CD101: variants seen among roughly 807,000 people sequenced by gnomAD.
CD101 encodes CD101 molecule, also known as immunoglobulin superfamily member 2.
A neutral mutation model predicts 98.2 loss-of-function variants in CD101; 76 were observed. That is an observed-to-expected ratio of 0.77 (90% CI 0.64 to 0.94). The LOEUF is 0.94. Ranked by LOEUF, CD101 falls within the 40% of genes least tolerant of loss-of-function variation. The pLI is 0.00. For missense variants in CD101, 1,145 were observed against 1,218.8 expected, an observed-to-expected ratio of 0.94 and a Z score of 0.90; for synonymous variants, 471 against 472.7, an observed-to-expected ratio of 1.00 and a Z score of 0.05.
At position 117,009,913 on chromosome 1, in the gene CD101, G is replaced by A; in HGVS notation, c.107G>A (p.Gly36Asp). The A allele has an allele frequency of 6.2e-7, 1 of 1,613,978 alleles. No individual in the cohort carries two copies. Among genetic ancestry groups the A allele is most frequent in the South Asian group, 1.1e-5 (1 of 91,070 alleles). Reference protein sequence around the residue: ...VQKGPLFRAEGYPVSIGCNVT... With the variant: ...VQKGPLFRAEDYPVSIGCNVT... ...AAAGGACCACTGTTTAGAGCTGAAG[G>A]TTACCCAGTCAGCATTGGCTGCAAT... The change falls in exon 2 of 10, where the codon GGT becomes GAT. Residue 36 changes from glycine to aspartate, a missense_variant. Physicochemically the swap from Gly to Asp is moderately conservative, Grantham distance 94 (BLOSUM62 -1). Coordinates refer to ENST00000682167, the MANE Select transcript of CD101 (RefSeq NM_001256106.3).
Position 117,029,213 on chromosome 1 carries a change from A to AAAAGAAAG in CD101, c.2824+3363_2824+3370dup, listed in dbSNP as rs61165020. 2.8e-3 allele frequency among the ~76,000 whole-genome samples: 204 copies of AAAAGAAAG among 71,816 alleles called. 1 individual carries two copies. The highest frequency in any genetic ancestry group is 6.9e-3 in the Middle Eastern group (1 of 144). 47.1% of individuals were successfully genotyped at this position (71,816 alleles called of 152,430 possible). On this transcript the variant is annotated intron_variant, in intron 8 of 9. Coordinates refer to ENST00000682167, the MANE Select transcript of CD101 (RefSeq NM_001256106.3). ...AAAGAAAGAAAGAAAGAAAAGAAAG[A>AAAAGAAAG]AAAGAAAGAAAGAAAGAAAGAAAGA... is the stretch of plus-strand genomic sequence containing the variant.
In CD101 at chr1:117,033,729, G is replaced by T; in HGVS notation, c.2825-131G>T. Reference sequence around the variant, plus strand: ...GTCCTGTGCTCCTCATGATTTCAGGGGCCCACTGCTATTTGGCCCCATTAT... The same window carrying T: ...GTCCTGTGCTCCTCATGATTTCAGGTGCCCACTGCTATTTGGCCCCATTAT... On this transcript the variant is annotated intron_variant, in intron 8 of 9. Transcript: ENST00000682167. The surrounding 1 kb of genome is among the most constrained non-coding windows in gnomAD (Gnocchi z 4.8). The T allele has an allele frequency of 1.7e-6, 2 of 1,175,684 alleles. No homozygotes were observed. The allele number at this position is 1,175,684 out of a possible 1,614,324, so 72.8% of individuals were successfully genotyped here.
chr1:117,029,199 G>GA (rs1168388828), intron 8 of CD101, among the ~76,000 whole-genome samples: 1 of 40,662 alleles, frequency 2.5e-5, no homozygotes, highest in Non-Finnish European at 4.4e-5. Flanking sequence ...AAGAAAGAAA[G>GA]AAAGAAAAGA....
At position 117,019,973 on chromosome 1, in the gene CD101, G is replaced by T. The variant is rs1653478630; in HGVS notation, c.2017+1413G>T. 6.6e-6 allele frequency among the ~76,000 whole-genome samples: 1 copy of T among 151,924 alleles called. No individual in the cohort carries two copies. On this transcript the variant is annotated intron_variant, in intron 6 of 9. Transcript: ENST00000682167. This position sits in a 1 kb window ranked among gnomAD's most constrained non-coding sequence, Gnocchi z 4.3. ...ATCATCTCCTTCAACTTTCCATCGT[G>T]AATTTGAGCTTCAGCCACACTGAAT... is the stretch of plus-strand genomic sequence containing the variant.
In CD101 at chr1:117,012,872, G is replaced by C. The variant is rs1246275347; in HGVS notation, c.842-534G>C. Among the ~76,000 whole-genome samples the C allele has an allele frequency of 6.6e-6, 1 of 152,112 alleles. No homozygotes were observed. Among genetic ancestry groups the C allele is most frequent in the Non-Finnish European group, 1.5e-5 (1 of 68,028 alleles). The stretch of plus-strand genomic sequence containing the variant: ...AATGATCCAATAGTGGATCATTAAA[G>C]TTTTTTCTTTATTAAAAACAGTATT... On this transcript the variant is annotated intron_variant, in intron 3 of 9. Transcript: ENST00000682167. The surrounding 1 kb of genome is among the most constrained non-coding windows in gnomAD (Gnocchi z 4.0).
intron 7 of CD101, among the ~76,000 whole-genome samples, chr1:117,024,347 C>T (rs1016317693): frequency 5.3e-5 from 8 of 152,128 alleles, no homozygotes; most frequent in Non-Finnish European, 1.0e-4. Flanking sequence ...CATGGTGGCC[C>T]ATGCCTGTAA....
In CD101 at chr1:117,017,201, G is replaced by A; in HGVS notation, c.1340G>A (p.Trp447Ter). ...GCTGAAAGTCCCCTGTCTGTGAGCT[G>A]GTGGCACATCCCACGGGACCAGACA... ...GGAESPLSVS[W>*]WHIPRDQTQP... Residue 447 changes from tryptophan to a stop codon, truncating the protein, a stop_gained, in exon 5 of 10, where the codon TGG becomes TAG. Transcript: ENST00000682167. LOFTEE classifies it high-confidence loss of function. The A allele has an allele frequency of 6.2e-7, 1 of 1,614,206 alleles. No homozygotes were observed.
rs200688077 is a variant in CD101, at chr1:117,021,994, C to A, written c.2428+11C>A. ...AACTCAAGCCCACAGGTAAACCTTG[C>A]GAGTGTATCCTCACAATGTCTGTCT... On this transcript the variant is annotated intron_variant, in intron 7 of 9. Transcript: ENST00000682167. This position sits in a 1 kb window ranked among gnomAD's most constrained non-coding sequence, Gnocchi z 4.7. 7 of 1,587,972 alleles carry A rather than the reference C, an allele frequency of 4.4e-6. No individual in the cohort carries two copies. In the South Asian group the frequency reaches 5.8e-5, roughly 13 times the overall value.
chr1:117,018,365 T>C lies in CD101; in HGVS notation c.1822T>C (p.Ser608Pro). The C allele has an allele frequency of 1.2e-6, 2 of 1,614,118 alleles. No individual in the cohort carries two copies. The highest frequency in any genetic ancestry group is 1.7e-5 in the Admixed American group (1 of 60,012). ...CACTATTGAATGGGGGAATTTCCTA[T>C]CCCGGTTCCAAAAGAAGACGAAAGT... is the stretch of plus-strand genomic sequence containing the variant. ...NGTIEWGNFL[S>P]RFQKKTKVSQ... The change falls in exon 6 of 10, where the codon TCC (serine) becomes CCC (proline). Residue 608 changes from serine to proline, a missense_variant. By Grantham distance (74) the Ser-to-Pro change is moderately conservative (BLOSUM62 -1). Transcript: ENST00000682167. This position sits in a 1 kb window ranked among gnomAD's most constrained non-coding sequence, Gnocchi z 4.3.
At position 117,011,802 on chromosome 1, in the gene CD101, A is replaced by C. The variant is rs778537694; in HGVS notation, c.677A>C (p.Lys226Thr). 16 of 1,614,012 alleles carry C rather than the reference A, an allele frequency of 9.9e-6. No homozygotes were observed. Among genetic ancestry groups the C allele is most frequent in the South Asian group, 8.8e-5 (8 of 91,088 alleles). Residue 226 changes from lysine (K) to threonine (T), a missense_variant, in exon 3 of 10, where the codon AAA becomes ACA. Physicochemically the swap from Lys to Thr is moderately conservative, Grantham distance 78. Coordinates refer to ENST00000682167, the MANE Select transcript of CD101 (RefSeq NM_001256106.3). ...RFAASDVQLN[K>T]LGPTTFRLSI... ...GCAGCCAGTGACGTACAGCTCAACA[A>C]ACTGGGACCCACTACATTCAGGCTG...
At chr1:117,017,529 A>C (rs564609746) in intron 5 of CD101, 56 bp downstream of exon 5, 1 of 1,535,956 alleles carries the variant, frequency 6.5e-7, no homozygotes, top group African/African-American at 1.4e-5. Flanking sequence ...TTCATTCTGC[A>C]GTGGAACTGG....
At chr1:117,024,466 G>T (rs1176400230) in intron 7 of CD101, among the ~76,000 whole-genome samples, 2 of 151,034 alleles carry the variant, frequency 1.3e-5, no homozygotes, top group Non-Finnish European at 2.9e-5. Flanking sequence ...GACAGAGCGA[G>T]ACTCCGTCTC....
rs377024036 is a variant in CD101 at position 117,001,771 on chromosome 1, G to A, written c.-47G>A. 2 of 1,586,058 alleles carry A rather than the reference G, an allele frequency of 1.3e-6. No individual in the cohort carries two copies. On this transcript the variant is annotated 5_prime_UTR_variant, in exon 1 of 10. Transcript: ENST00000682167. The stretch of plus-strand genomic sequence containing the variant: ...GCACAGCATTTGTCACTCAACCTCT[G>A]AATGTTAGTGACACTATTGGGACGA...
intron 5 of CD101, among the ~76,000 whole-genome samples, chr1:117,017,726 C>A (rs963922900): frequency 6.6e-6 from 1 of 152,186 alleles, no homozygotes; most frequent in Admixed American, 6.5e-5. Context: ...AGCTTATAGA[C>A]GAGTATAGCT....
At position 117,011,892 on chromosome 1, in the gene CD101, A is replaced by G; in HGVS notation, c.767A>G (p.Gln256Arg). The G allele has an allele frequency of 6.2e-7, 1 of 1,614,156 alleles. No individual in the cohort carries two copies. The highest frequency in any genetic ancestry group is 8.5e-7 in the Non-Finnish European group (1 of 1,180,020). The change falls in exon 3 of 10, where the codon CAG (glutamine) becomes CGG (arginine). Residue 256 changes from glutamine (Q) to arginine (R), a missense_variant. Transcript: ENST00000682167. ...QLFCEATEWI[Q>R]DPDETWMFIT... ...TTCTGTGAGGCAACGGAATGGATTCAGGATCCAGATGAAACTTGGATGTTC... is the reference window on the plus strand; with the variant it reads ...TTCTGTGAGGCAACGGAATGGATTCGGGATCCAGATGAAACTTGGATGTTC...
intron 1 of CD101, among the ~76,000 whole-genome samples, chr1:117,002,349 G>T (rs1463982734): frequency 6.6e-6 from 1 of 152,236 alleles, no homozygotes; most frequent in Admixed American, 6.5e-5. Flanking sequence ...CCTGCGAGTG[G>T]AAGTGGAAAT....
Position 117,012,812 on chromosome 1 carries a change from G to A in CD101, c.842-594G>A, listed in dbSNP as rs894687806. 3.3e-5 allele frequency among the ~76,000 whole-genome samples: 5 copies of A among 152,212 alleles called. No individual in the cohort carries two copies. The highest frequency in any genetic ancestry group is 1.2e-4 in the African/African-American group (5 of 41,538). ...GGCTTTTGTCCAACAGGAAGTGGTT[G>A]CTAAACCATATACTGTATATGCATT... On this transcript the variant is annotated intron_variant, in intron 3 of 9. Coordinates refer to ENST00000682167, the MANE Select transcript of CD101 (RefSeq NM_001256106.3). The surrounding 1 kb of genome is among the most constrained non-coding windows in gnomAD (Gnocchi z 4.0).
chr1:117,015,845 A>C (rs1653172753), intron 4 of CD101, among the ~76,000 whole-genome samples: 1 of 152,188 alleles, frequency 6.6e-6, no homozygotes, highest in African/African-American at 2.4e-5. Flanking sequence ...TCATTTTTAC[A>C]GAAAAGAAAA....
Position 117,033,738 on chromosome 1 carries a change from C to G in CD101, c.2825-122C>G, listed in dbSNP as rs1246577454. 1.5e-5 allele frequency: 19 copies of G among 1,297,726 alleles called. No individual in the cohort carries two copies. Among genetic ancestry groups the G allele is most frequent in the Admixed American group, 1.4e-4 (7 of 48,480 alleles). The allele number at this position is 1,297,726 out of a possible 1,614,324, so 80.4% of individuals were successfully genotyped here. A position where few individuals can be genotyped will look rare whatever the true frequency, so the allele number is the denominator to read the frequency against. On this transcript the variant is annotated intron_variant, in intron 8 of 9. Coordinates refer to ENST00000682167, the MANE Select transcript of CD101 (RefSeq NM_001256106.3). The surrounding 1 kb of genome is among the most constrained non-coding windows in gnomAD (Gnocchi z 4.8). ...TCCTCATGATTTCAGGGGCCCACTGCTATTTGGCCCCATTATTTTTACATA... is the reference window on the plus strand; with the variant it reads ...TCCTCATGATTTCAGGGGCCCACTGGTATTTGGCCCCATTATTTTTACATA...
Sources: allele counts gnomAD v4.1 joint callset (sites outside exome capture counted in the v4.1 genomes callset), GRCh38; gene constraint gnomAD v4.1.1; non-coding constraint Gnocchi (gnomAD v3.1); transcripts MANE v1.5; gene names NCBI Gene and HGNC (gene_info 2026-07-23, HGNC 2026-07-21).